DOT1L: variants seen among roughly 807,000 people sequenced by gnomAD.
DOT1L encodes the protein DOT1 like histone lysine methyltransferase.
In DOT1L, 33 loss-of-function variants were observed where a neutral mutation model predicts 153.3. The ratio of observed to expected loss-of-function variants is 0.22; its 90% CI spans 0.16 to 0.29. The LOEUF (loss-of-function observed/expected upper bound fraction) is 0.29. Ranked by LOEUF, DOT1L falls within the 10% of genes least tolerant of loss-of-function variation. The probability of loss-of-function intolerance (pLI) is 1.00; values close to 1 mark genes in which losing one functional copy is unlikely to be tolerated. For missense variants in DOT1L, 1,847 were observed against 2,119.9 expected (o/e 0.87, Z 2.53); for synonymous variants, 1,135 against 965.1 (o/e 1.18, Z -3.26).
intron 18 of DOT1L, 172 bp from the exon 19 acceptor site, chr19:2,214,298 GC>G: frequency 3.4e-6 from 4 of 1,177,426 alleles, no homozygotes; most frequent in Non-Finnish European, 4.6e-6. Flanking sequence ...TCCGTGGGGG[GC>G]CCCAGTCTCC....
At chr19:2,213,469 CGTGGGCCCTCCCT>C (rs1451197806) in intron 16 of DOT1L, 57 bp from the exon 17 acceptor site, 8 of 1,465,996 alleles carry the variant, frequency 5.5e-6, no homozygotes, top group Non-Finnish European at 7.6e-6. Flanking sequence ...AGAGGCAGGG[CGTGGGCCCTCCCT>C]GTGGGCCCTC....
chr19:2,220,287 G>T lies in DOT1L; in HGVS notation c.2806+65G>T, dbSNP rs1431285579. 6.7e-7 allele frequency: 1 copy of T among 1,492,890 alleles called. No individual in the cohort carries two copies. Among genetic ancestry groups the T allele is most frequent in the Middle Eastern group, 1.7e-4 (1 of 5,878 alleles). The allele number at this position is 1,492,890 out of a possible 1,614,324, so 92.5% of individuals were successfully genotyped here. ...CTGCTGCTGCTCTTCAGGCAGGAGG[G>T]CTGGGTTGCTGGGAGTGGAACAGGG... is the stretch of plus-strand genomic sequence containing the variant. On this transcript the variant is annotated intron_variant, in intron 23 of 27. Transcript: ENST00000398665. The surrounding 1 kb of genome is among the most constrained non-coding windows in gnomAD (Gnocchi z 4.5).
Position 2,193,886 on chromosome 19 carries a change from GGTGGC to G in DOT1L, c.588+106_588+110del. On this transcript the variant is annotated intron_variant, in intron 6 of 27. Coordinates refer to ENST00000398665, the MANE Select transcript of DOT1L (RefSeq NM_032482.3). This position sits in a 1 kb window ranked among gnomAD's most constrained non-coding sequence, Gnocchi z 5.9. ...CACTGCTGTGGGACTTCCGAGTCTG[GGTGGC>G]GTTCTTTCCAGGCCCAAGACGTCTT... is the stretch of plus-strand genomic sequence containing the variant. The G allele has an allele frequency of 8.0e-7, 1 of 1,254,856 alleles. No individual in the cohort carries two copies. Among genetic ancestry groups the G allele is most frequent in the South Asian group, 1.4e-5 (1 of 73,736 alleles). 77.7% of individuals were successfully genotyped at this position (1,254,856 alleles called of 1,614,324 possible).
intron 8 of DOT1L, among the ~76,000 whole-genome samples, chr19:2,200,782 T>C (rs1439174574): frequency 3.0e-5 from 4 of 133,680 alleles, no homozygotes; most frequent in Non-Finnish European, 6.5e-5. Context: ...CCTCCCCTCA[T>C]TCCTCGTCCT....
At chr19:2,195,290 A>G (rs1371144031) in intron 7 of DOT1L, among the ~76,000 whole-genome samples, 1 of 151,968 alleles carries the variant, frequency 6.6e-6, no homozygotes, top group Non-Finnish European at 1.5e-5. Context: ...GAGTCCTTAG[A>G]CACCAGGCTC....
rs1280258120 is a variant in DOT1L at position 2,204,836 on chromosome 19, G to C, written c.788-1893G>C. On this transcript the variant is annotated intron_variant, in intron 9 of 27. Coordinates refer to ENST00000398665, the MANE Select transcript of DOT1L (RefSeq NM_032482.3). The surrounding 1 kb of genome is among the most constrained non-coding windows in gnomAD (Gnocchi z 5.7). The stretch of plus-strand genomic sequence containing the variant: ...TGGCCTAACCTGTGTGCCCAGCCTG[G>C]CCCTGGAACCGCCCTTCCTGCTCCT... Among the ~76,000 whole-genome samples, 1 of 152,170 alleles carries C rather than the reference G, an allele frequency of 6.6e-6. No individual in the cohort carries two copies. Among genetic ancestry groups the C allele is most frequent in the African/African-American group, 2.4e-5 (1 of 41,430 alleles).
intron 1 of DOT1L, among the ~76,000 whole-genome samples, chr19:2,174,896 C>T (rs1043887206): frequency 2.0e-5 from 3 of 151,986 alleles, no homozygotes; most frequent in Non-Finnish European, 2.9e-5. Flanking sequence ...CTCAACCTCC[C>T]AGAGTGCTGG....
chr19:2,168,015 G>A (rs1054429771), intron 1 of DOT1L, among the ~76,000 whole-genome samples: 3 of 152,168 alleles, frequency 2.0e-5, no homozygotes, highest in African/African-American at 2.4e-5. Flanking sequence ...GATGACAGGC[G>A]TGAACCACCG....
At chr19:2,228,107 C>A (rs371660185) in intron 27 of DOT1L, 35 of 1,356,204 alleles carry the variant, frequency 2.6e-5, no homozygotes, top group Non-Finnish European at 2.8e-5. Context: ...TCTTGCCCCC[C>A]ACCTCTGCTG....
At chr19:2,216,099 G>A (rs2023886994) in intron 19 of DOT1L, 182 bp from the exon 20 acceptor site, 1 of 769,984 alleles carries the variant, frequency 1.3e-6, no homozygotes, top group South Asian at 2.0e-5. Context: ...CCCTCCACAT[G>A]ACTTTATTTG....
rs1034584047 is a variant in DOT1L at position 2,230,228 on chromosome 19, G to A, written c.*436G>A. On this transcript the variant is annotated 3_prime_UTR_variant, in exon 28 of 28. Coordinates refer to ENST00000398665, the MANE Select transcript of DOT1L (RefSeq NM_032482.3). ...GTGCTGACTAGACGCTGACAACGCC[G>A]AACCCCGTTCTCGGAAACGCCGCCC... is the stretch of plus-strand genomic sequence containing the variant. The A allele has an allele frequency of 1.9e-5, 8 of 414,144 alleles. 1 individual carries two copies. Among genetic ancestry groups the A allele is most frequent in the South Asian group, 1.8e-4 (2 of 10,960 alleles). 25.7% of individuals were successfully genotyped at this position (414,144 alleles called of 1,614,324 possible).
chr19:2,174,994 GTATATA>G lies in DOT1L; in HGVS notation c.82-5713_82-5708del, dbSNP rs1555715371. 4.5e-3 allele frequency among the ~76,000 whole-genome samples: 359 copies of G among 80,482 alleles called. 3 individuals are homozygous for G. Among genetic ancestry groups the G allele is most frequent in the East Asian group, 0.017 (54 of 3,264 alleles). The allele number at this position is 80,482 out of a possible 152,430, so 52.8% of individuals were successfully genotyped here. On this transcript the variant is annotated intron_variant, in intron 1 of 27. Transcript: ENST00000398665. Reference sequence around the variant, plus strand: ...TGTGTGTGTGTGTGTGTGTGTGTGTGTATATATATATTTTTTTTTTTTTAGATGGAG... The same window carrying G: ...TGTGTGTGTGTGTGTGTGTGTGTGTGTATATTTTTTTTTTTTTAGATGGAG...
chr19:2,196,094 C>G (rs978857611), intron 7 of DOT1L, among the ~76,000 whole-genome samples: 1 of 152,276 alleles, frequency 6.6e-6, no homozygotes, highest in African/African-American at 2.4e-5. Context: ...ACATTCCTGT[C>G]ATTGCCACGA....
rs748184737 is a variant in DOT1L, at chr19:2,197,465, C to A, written c.652-2419C>A. 6.6e-6 allele frequency among the ~76,000 whole-genome samples: 1 copy of A among 152,218 alleles called. No homozygotes were observed. The highest frequency in any genetic ancestry group is 1.5e-5 in the Non-Finnish European group (1 of 68,036). ...CGGTCTGGCTGGGCTGAGCCTTGCT[C>A]AGGAGAGGGGTGCTGTCGGGTGGTG... On this transcript the variant is annotated intron_variant, in intron 7 of 27. Transcript: ENST00000398665. The surrounding 1 kb of genome is among the most constrained non-coding windows in gnomAD (Gnocchi z 4.1).
chr19:2,171,619 G>A (rs1008753883), intron 1 of DOT1L, among the ~76,000 whole-genome samples: 6 of 152,180 alleles, frequency 3.9e-5, no homozygotes, highest in African/African-American at 1.4e-4. Flanking sequence ...ACCGACCGCC[G>A]CCGGGTGTCG....
intron 3 of DOT1L, among the ~76,000 whole-genome samples, chr19:2,186,757 G>C (rs1448390183): frequency 6.6e-6 from 1 of 152,254 alleles, no homozygotes; most frequent in Non-Finnish European, 1.5e-5. Context: ...GCAGACAAGC[G>C]TGTTGCTGGC....
rs2024568754 is a variant in DOT1L at position 2,230,854 on chromosome 19, C to T, written c.*1062C>T. 5.7e-6 allele frequency: 2 copies of T among 348,884 alleles called. No individual in the cohort carries two copies. Among genetic ancestry groups the T allele is most frequent in the Non-Finnish European group, 1.0e-5 (2 of 195,010 alleles). The allele number at this position is 348,884 out of a possible 1,614,324, so 21.6% of individuals were successfully genotyped here. The stretch of plus-strand genomic sequence containing the variant: ...AGCAGCCCAGACAGAGCTGCCGGCG[C>T]CCCTGCCTGCCCCACATCCCTTCCT... On this transcript the variant is annotated 3_prime_UTR_variant, in exon 28 of 28. Transcript: ENST00000398665.
In DOT1L at chr19:2,226,961, C is replaced by T. The variant is rs1379958296; in HGVS notation, c.4440C>T (p.Ser1480=). The change falls in exon 27 of 28, where the codon TCC becomes TCT. Residue 1480 remains serine, a synonymous_variant. Transcript: ENST00000398665. ...PGPQFALGPM[S]LQANLGSVAG... ...CGCAGTTCGCGCTCGGCCCCATGTCCCTGCAGGCCAACCTCGGCTCCGTGG... is the reference window on the plus strand; with the variant it reads ...CGCAGTTCGCGCTCGGCCCCATGTCTCTGCAGGCCAACCTCGGCTCCGTGG... 6.3e-7 allele frequency: 1 copy of T among 1,590,390 alleles called. No individual in the cohort carries two copies. The highest frequency in any genetic ancestry group is 1.4e-5 in the African/African-American group (1 of 73,726).
At chr19:2,214,810 C>A in intron 19 of DOT1L, 1 of 611,724 alleles carries the variant, frequency 1.6e-6, no homozygotes, top group Non-Finnish European at 2.6e-6. Flanking sequence ...CTCTCGGGGG[C>A]ATCTCGGGAT....
Sources: gnomAD v4.1 joint callset for allele counts (sites outside exome capture counted in the v4.1 genomes callset) on GRCh38, gnomAD v4.1.1 for gene constraint, Gnocchi (gnomAD v3.1) non-coding constraint, MANE v1.5 for transcripts, NCBI Gene and HGNC (gene_info 2026-07-23, HGNC 2026-07-21) for gene names.